ENPP6: variants seen among roughly 807,000 people sequenced by gnomAD.
ENPP6 encodes ectonucleotide pyrophosphatase/phosphodiesterase 6, also known as glycerophosphocholine cholinephosphodiesterase ENPP6.
In ENPP6, 32 loss-of-function variants were observed where a neutral mutation model predicts 42.0. The ratio of observed to expected loss-of-function variants is 0.76; its 90% CI spans 0.58 to 1.02. ENPP6 has a LOEUF of 1.02. Ranked by LOEUF, ENPP6 falls within the 50% of genes least tolerant of loss-of-function variation. The pLI, the probability that ENPP6 is intolerant of heterozygous loss-of-function variation, is 0.00. For synonymous variants in ENPP6, 213 were observed against 216.0 expected, an observed-to-expected ratio of 0.99 and a Z score of 0.12; for missense variants, 552 against 566.8, an observed-to-expected ratio of 0.97 and a Z score of 0.27.
At chr4:184,135,586 G>A (rs983639808) in intron 2 of ENPP6, among the ~76,000 whole-genome samples, 2 of 152,150 alleles carry the variant, frequency 1.3e-5, no homozygotes, top group African/African-American at 4.8e-5. Flanking sequence ...TTTAATGTAT[G>A]TCTTTATAAG....
At chr4:184,206,002 G>A (rs957398484) in intron 1 of ENPP6, among the ~76,000 whole-genome samples, 10 of 152,172 alleles carry the variant, frequency 6.6e-5, no homozygotes, top group Non-Finnish European at 1.3e-4. Context: ...GGAGGACACT[G>A]TTCCAAACAG....
intron 6 of ENPP6, among the ~76,000 whole-genome samples, chr4:184,110,603 G>A (rs1010485671): frequency 4.6e-5 from 7 of 152,088 alleles, no homozygotes; most frequent in African/African-American, 1.2e-4. Flanking sequence ...CAGAACCCAC[G>A]CCCTTTCTTT....
At chr4:184,153,459 A>T in intron 2 of ENPP6, 95 bp downstream of exon 2, 1 of 1,388,256 alleles carries the variant, frequency 7.2e-7, no homozygotes, top group Non-Finnish European at 9.7e-7. Context: ...CCATTTTCCA[A>T]ACCACGGCTT....
intron 1 of ENPP6, among the ~76,000 whole-genome samples, chr4:184,167,340 A>C (rs1393284992): frequency 1.3e-5 from 2 of 152,160 alleles, no homozygotes; most frequent in Non-Finnish European, 2.9e-5. Flanking sequence ...GTCTCAAACT[A>C]CTGACTTCAG....
At chr4:184,139,293 A>G (rs1238434345) in intron 2 of ENPP6, among the ~76,000 whole-genome samples, 1 of 152,182 alleles carries the variant, frequency 6.6e-6, no homozygotes, top group Non-Finnish European at 1.5e-5. Flanking sequence ...CAGATTTAGC[A>G]AAGTTTTAGA....
In ENPP6 at chr4:184,153,695, T is replaced by A; in HGVS notation, c.280A>T (p.Met94Leu). 6.2e-7 allele frequency: 1 copy of A among 1,614,200 alleles called. No homozygotes were observed. Among genetic ancestry groups the A allele is most frequent in the South Asian group, 1.1e-5 (1 of 91,084 alleles). ...GACTTGTTGGTGGTGGGGTCCCACA[T>A]GTAGTTCCCGATCATCTGATGGACT... is the stretch of plus-strand genomic sequence containing the variant. ...CEVHQMIGNY[M>L]WDPTTNKSFD... Residue 94 changes from methionine (M) to leucine (L), a missense_variant, in exon 2 of 8, where the codon ATG (methionine) becomes TTG (leucine). Met to Leu is a conservative substitution (Grantham distance 15). This residue lies in a region of ENPP6 where 545 missense variants were observed against 546.3 expected (regional missense o/e 1.00). Transcript: ENST00000296741.
chr4:184,163,430 G>A (rs1444997321), intron 1 of ENPP6, among the ~76,000 whole-genome samples: 1 of 152,038 alleles, frequency 6.6e-6, no homozygotes, highest in Non-Finnish European at 1.5e-5. Context: ...TGGACCTCCC[G>A]GCTTCTCATA....
At chr4:184,095,951 C>A (rs891877926) in intron 7 of ENPP6, among the ~76,000 whole-genome samples, 14 of 152,096 alleles carry the variant, frequency 9.2e-5, no homozygotes, top group Non-Finnish European at 2.9e-5. Flanking sequence ...TGACAGGGAG[C>A]ACCTGATAAC....
In ENPP6 at chr4:184,190,189, T is replaced by G. The variant is rs1417874295; in HGVS notation, c.241+27390A>C. On this transcript the variant is annotated intron_variant, in intron 1 of 7. Coordinates refer to ENST00000296741, the MANE Select transcript of ENPP6 (RefSeq NM_153343.4). ...ACTCTCAAACCTAATATCTCTTGGG[T>G]AATACAAAAGAAGTTGTTTAAACCA... is the stretch of plus-strand genomic sequence containing the variant. Among the ~76,000 whole-genome samples the G allele has an allele frequency of 2.0e-5, 3 of 152,318 alleles. No individual in the cohort carries two copies. The South Asian group carries it at 6.2e-4, about 32-fold the overall frequency.
intron 1 of ENPP6, among the ~76,000 whole-genome samples, chr4:184,165,237 G>T (rs1737329598): frequency 6.6e-6 from 1 of 152,178 alleles, no homozygotes; most frequent in Non-Finnish European, 1.5e-5. Context: ...CTTTGTATCT[G>T]GAACTAAATG....
Position 184,153,727 on chromosome 4 carries a change from T to C in ENPP6, c.248A>G (p.His83Arg). The C allele has an allele frequency of 6.2e-7, 1 of 1,613,918 alleles. No individual in the cohort carries two copies. Among genetic ancestry groups the C allele is most frequent in the Non-Finnish European group, 8.5e-7 (1 of 1,179,868 alleles). ...PNYYTLMTGR[H>R]CEVHQMIGNY... ...CCCGATCATCTGATGGACTTCACAATGGCGGCCTATGTCAATGAGAACACA... is the reference window on the plus strand; with the variant it reads ...CCCGATCATCTGATGGACTTCACAACGGCGGCCTATGTCAATGAGAACACA... Residue 83 changes from histidine to arginine, a missense_variant, in exon 2 of 8, where the codon CAT (histidine) becomes CGT (arginine). His to Arg is a conservative substitution (Grantham distance 29). This residue lies in a region of ENPP6 where 545 missense variants were observed against 546.3 expected (regional missense o/e 1.00). Coordinates refer to ENST00000296741, the MANE Select transcript of ENPP6 (RefSeq NM_153343.4).
chr4:184,114,910 A>G (rs1464693086), intron 5 of ENPP6, among the ~76,000 whole-genome samples: 4 of 152,212 alleles, frequency 2.6e-5, no homozygotes, highest in Admixed American at 2.6e-4. Flanking sequence ...GTCCCTGACC[A>G]TGGAGCCTGA....
At chr4:184,179,610 T>C (rs1732516104) in intron 1 of ENPP6, among the ~76,000 whole-genome samples, 1 of 152,092 alleles carries the variant, frequency 6.6e-6, no homozygotes, top group African/African-American at 2.4e-5. Context: ...AATCACATAA[T>C]TGGAAGTAAA....
intron 1 of ENPP6, among the ~76,000 whole-genome samples, chr4:184,156,923 A>G (rs1921564): frequency 0.54 from 82,377 of 152,082 alleles, 23,032 homozygotes; most frequent in East Asian, 0.87. Flanking sequence ...TTCACATCTC[A>G]CGAGAAGGTA....
intron 1 of ENPP6, among the ~76,000 whole-genome samples, chr4:184,199,048 G>A (rs1303880792): frequency 2.0e-5 from 3 of 152,218 alleles, no homozygotes; most frequent in African/African-American, 2.4e-5. Flanking sequence ...TCCATGCCAC[G>A]AAGCATATGT....
intron 2 of ENPP6, among the ~76,000 whole-genome samples, chr4:184,147,814 A>AC (rs1736954720): frequency 6.6e-6 from 1 of 150,780 alleles, no homozygotes; most frequent in South Asian, 2.1e-4. Context: ...AAAAAAAAAA[A>AC]AGTATTCAGC....
At chr4:184,115,409 G>C (rs1385472330) in intron 5 of ENPP6, among the ~76,000 whole-genome samples, 2 of 152,206 alleles carry the variant, frequency 1.3e-5, no homozygotes, top group Non-Finnish European at 2.9e-5. Context: ...CCCTTCTCAG[G>C]GTAGGTCACC....
chr4:184,173,319 A>G (rs916349867), intron 1 of ENPP6, among the ~76,000 whole-genome samples: 1 of 152,232 alleles, frequency 6.6e-6, no homozygotes, highest in African/African-American at 2.4e-5. Context: ...TGTTCAACAC[A>G]ATATTGGAAA....
At chr4:184,124,069 T>C (rs1736461368) in intron 3 of ENPP6, 92 bp downstream of exon 3, 2 of 958,956 alleles carry the variant, frequency 2.1e-6, no homozygotes, top group Admixed American at 2.2e-5. Flanking sequence ...CATTATTTCA[T>C]CTCCACAAAG....
Sources: gnomAD v4.1 joint callset for allele counts (sites outside exome capture counted in the v4.1 genomes callset) on GRCh38, gnomAD v4.1.1 for gene constraint, gnomAD v4.1.1 regional missense constraint, MANE v1.5 for transcripts, NCBI Gene and HGNC (gene_info 2026-07-23, HGNC 2026-07-21) for gene names.